Variants in ANK2 observed in about 807,000 individuals in gnomAD.
ANK2 encodes the protein ankyrin 2.
In ANK2, 83 loss-of-function variants were observed where a neutral mutation model predicts 360.5. The observed-to-expected ratio is 0.23, with a 90% CI of 0.19 to 0.28. The LOEUF (loss-of-function observed/expected upper bound fraction) is 0.28. Ranked by LOEUF, ANK2 falls within the 10% of genes least tolerant of loss-of-function variation. The pLI is 1.00. For synonymous variants in ANK2, 1,740 were observed against 1,759.5 expected (o/e 0.99, Z 0.28); for missense variants, 4,201 against 4,795.7 (o/e 0.88, Z 3.66).
At chr4:112,882,798 G>A (rs1243770041) in intron 1 of ANK2, among the ~76,000 whole-genome samples, 1 of 151,770 alleles carries the variant, frequency 6.6e-6, no homozygotes. Flanking sequence ...GGAACCCTGA[G>A]AATAGGAAGA....
intron 2 of ANK2, among the ~76,000 whole-genome samples, chr4:112,918,670 T>A (rs1399653802): frequency 6.6e-6 from 1 of 152,216 alleles, no homozygotes; most frequent in Non-Finnish European, 1.5e-5. Flanking sequence ...TGATCTACTG[T>A]CTTCTTAAGT....
At position 113,204,742 on chromosome 4, in the gene ANK2, C is replaced by T. The variant is rs1220245836; in HGVS notation, c.384+5633C>T. The stretch of plus-strand genomic sequence containing the variant: ...CAGTCTTTCCCACTAAACTGTTGTA[C>T]ACCTTCTACTTGAATTAGGGAAGTC... On this transcript the variant is annotated intron_variant, in intron 4 of 45. Coordinates refer to ENST00000357077, the MANE Select transcript of ANK2 (RefSeq NM_001148.6). 2.6e-5 allele frequency among the ~76,000 whole-genome samples: 4 copies of T among 152,196 alleles called. No homozygotes were observed. In the East Asian group the frequency reaches 7.8e-4, roughly 30 times the overall value.
chr4:112,756,319 T>A, the ANK2 span, among the ~76,000 whole-genome samples: 1 of 148,578 alleles, frequency 6.7e-6, no homozygotes, highest in Non-Finnish European at 1.5e-5. Flanking sequence ...ATACAAAATC[T>A]AGCTGGGGTT....
chr4:113,046,784 A>G (rs1041005774), upstream of ANK2, among the ~76,000 whole-genome samples: 1 of 152,216 alleles, frequency 6.6e-6, no homozygotes, highest in Non-Finnish European at 1.5e-5. Flanking sequence ...AGACTGTCAA[A>G]TTGAGAAGCC....
At chr4:113,036,028 C>A (rs1708079244) in intron 2 of ANK2, among the ~76,000 whole-genome samples, 3 of 151,868 alleles carry the variant, frequency 2.0e-5, no homozygotes, top group Non-Finnish European at 4.4e-5. Context: ...TATTTTCCAA[C>A]TCTATTTGTT....
chr4:113,372,877 T>G (rs911496183), intron 43 of ANK2, among the ~76,000 whole-genome samples: 5 of 152,208 alleles, frequency 3.3e-5, no homozygotes, highest in African/African-American at 1.2e-4. Context: ...GCTTTTCTAT[T>G]TTTGTTGAAG....
At chr4:113,238,613 T>C (rs1174216852) in intron 7 of ANK2, among the ~76,000 whole-genome samples, 2 of 152,198 alleles carry the variant, frequency 1.3e-5, no homozygotes, top group East Asian at 3.9e-4. Context: ...TAGATGCTTT[T>C]TGGTGATTAT....
chr4:113,317,720 AGTTCCGACAGG>A lies in ANK2; in HGVS notation c.2708_2718del (p.Ser903IlefsTer18). ...CCAACCTACCAGCCTTCGATCCTTCAGTTCCGACAGGTCTCACACTCTGAGCCATGCCTCCT... is the reference window on the plus strand; with the variant it reads ...CCAACCTACCAGCCTTCGATCCTTCATCTCACACTCTGAGCCATGCCTCCT... On this transcript the variant is annotated frameshift_variant, in exon 25 of 46. Transcript: ENST00000357077. LOFTEE classifies it high-confidence loss of function. The A allele has an allele frequency of 6.2e-7, 1 of 1,613,956 alleles. No individual in the cohort carries two copies. Among genetic ancestry groups the A allele is most frequent in the Non-Finnish European group, 8.5e-7 (1 of 1,179,936 alleles).
the ANK2 span, among the ~76,000 whole-genome samples, chr4:112,718,461 CCCA>C: frequency 6.6e-6 from 1 of 150,566 alleles, no homozygotes; most frequent in Non-Finnish European, 1.5e-5. Context: ...ATTACAGGCA[CCCA>C]CCACCACGTT....
intron 4 of ANK2, among the ~76,000 whole-genome samples, chr4:113,225,158 A>T (rs939683897): frequency 6.6e-6 from 1 of 152,172 alleles, no homozygotes; most frequent in African/African-American, 2.4e-5. Flanking sequence ...TCCTGATTTC[A>T]TTTAGACCTC....
chr4:113,237,334 TA>T (rs998588909), intron 6 of ANK2, among the ~76,000 whole-genome samples, 162 bp downstream of exon 6: 20 of 152,180 alleles, frequency 1.3e-4, no homozygotes, highest in African/African-American at 4.8e-4. Flanking sequence ...GGGGACCATC[TA>T]AAAAAATTAA....
chr4:113,302,745 T>C (rs765120653), intron 22 of ANK2, 22 bp from the exon 23 acceptor site: 1 of 1,594,658 alleles, frequency 6.3e-7, no homozygotes, highest in South Asian at 1.1e-5. Context: ...AACTTGAACA[T>C]TAATGATTTT....
chr4:113,048,270 ATATATAT>A (rs1358398313), upstream of ANK2, among the ~76,000 whole-genome samples: 3 of 62,304 alleles, frequency 4.8e-5, no homozygotes, highest in African/African-American at 2.5e-4. Flanking sequence ...ATATATATAT[ATATATAT>A]TTTTTTTTTT....
chr4:113,358,291 C>A lies in ANK2; in HGVS notation c.9673C>A (p.Leu3225Ile), dbSNP rs760621962. Reference sequence around the variant, plus strand: ...AGCTGTTAGTGTAGGGACCAAGGACCTCCCCACCGTGCAAACGGGTGATAT... The same window carrying A: ...AGCTGTTAGTGTAGGGACCAAGGACATCCCCACCGTGCAAACGGGTGATAT... ...KEAVSVGTKD[L>I]PTVQTGDIPP... is the part of the protein sequence containing the mutation. Residue 3225 changes from leucine (L) to isoleucine (I), a missense_variant, in exon 38 of 46, where the codon CTC (leucine) becomes ATC (isoleucine). By Grantham distance (5) the Leu-to-Ile change is conservative (BLOSUM62 2). Coordinates refer to ENST00000357077, the MANE Select transcript of ANK2 (RefSeq NM_001148.6). 4 of 1,613,406 alleles carry A rather than the reference C, an allele frequency of 2.5e-6. No homozygotes were observed. Among genetic ancestry groups the A allele is most frequent in the Non-Finnish European group, 3.4e-6 (4 of 1,179,662 alleles).
intron 39 of ANK2, 86 bp from the exon 40 acceptor site, chr4:113,363,252 C>T (rs2096332243): frequency 7.4e-7 from 1 of 1,352,570 alleles, no homozygotes; most frequent in Non-Finnish European, 1.0e-6. Context: ...ATATAAAGAA[C>T]ACATCATTTA....
chr4:113,145,931 C>G, intron 1 of ANK2: 1 of 1,289,808 alleles, frequency 7.8e-7, no homozygotes, highest in South Asian at 1.2e-5. Flanking sequence ...CACAAGGAAA[C>G]ATGCAGGAAC....
intron 2 of ANK2, among the ~76,000 whole-genome samples, chr4:112,957,809 C>G (rs1203086973): frequency 7.7e-5 from 11 of 143,302 alleles, no homozygotes; most frequent in African/African-American, 1.1e-4. Flanking sequence ...GGGGCGGCTG[C>G]CGGGCGGAGG....
rs772423528 is a variant in ANK2, at chr4:113,336,715, A to G, written c.3730A>G (p.Ser1244Gly). The G allele has an allele frequency of 4.3e-6, 7 of 1,614,028 alleles. No homozygotes were observed. In the African/African-American group the frequency reaches 8.0e-5, roughly 18 times the overall value. ...TMTIPVPKAS[S>G]DVMLNGFGGD... ...GACCATTCCTGTCCCCAAAGCTTCA[A>G]GTGATGTCATGTTGAATGGTTTTGG... Residue 1244 changes from serine to glycine, a missense_variant, in exon 31 of 46, where the codon AGT becomes GGT. This residue lies in a region of ANK2 where 1,268 missense variants were observed against 1,650.8 expected (regional missense o/e 0.77). Transcript: ENST00000357077.
intron 2 of ANK2, among the ~76,000 whole-genome samples, chr4:113,043,140 A>G (rs1293800327): frequency 2.0e-5 from 3 of 152,144 alleles, no homozygotes; most frequent in Non-Finnish European, 4.4e-5. Flanking sequence ...TGAGAGGAAC[A>G]AAAGGATCTC....
Sources: gnomAD v4.1 joint callset for allele counts (sites outside exome capture counted in the v4.1 genomes callset) on GRCh38, gnomAD v4.1.1 for gene constraint, gnomAD v4.1.1 regional missense constraint, MANE v1.5 for transcripts, NCBI Gene and HGNC (gene_info 2026-07-23, HGNC 2026-07-21) for gene names.